IL10RA: variants seen among roughly 807,000 people sequenced by gnomAD.
IL10RA encodes interleukin 10 receptor subunit alpha.
A neutral mutation model predicts 29.6 loss-of-function variants in IL10RA; 18 were observed. That is an observed-to-expected ratio of 0.61 (90% CI 0.42 to 0.90). The LOEUF is 0.90. IL10RA is among the 40% of genes least tolerant of loss of function. The probability of loss-of-function intolerance (pLI) is 0.00; values close to 1 mark genes in which losing one functional copy is unlikely to be tolerated. For synonymous variants in IL10RA, 292 were observed against 294.1 expected (o/e 0.99, Z 0.07); for missense variants, 634 against 716.6 (o/e 0.88, Z 1.32).
At position 118,000,464 on chromosome 11, in the gene IL10RA, GC is replaced by G. The variant is rs1364579778; in HGVS notation, c.*825del. On this transcript the variant is annotated 3_prime_UTR_variant, in exon 7 of 7. Transcript: ENST00000227752. ...CATCTTGCTGACAACTTCCAGAGAA[GC>G]CATGGTTTTTTGTATTGGTCATAAC... 3 of 454,148 alleles carry G rather than the reference GC, an allele frequency of 6.6e-6. No homozygotes were observed. The highest frequency in any genetic ancestry group is 1.3e-5 in the Non-Finnish European group (3 of 226,804). The allele number at this position is 454,148 out of a possible 1,614,324, so 28.1% of individuals were successfully genotyped here.
chr11:117,989,719 T>G lies in IL10RA; in HGVS notation c.367+99T>G. On this transcript the variant is annotated intron_variant, in intron 3 of 6. Transcript: ENST00000227752. This position sits in a 1 kb window ranked among gnomAD's most constrained non-coding sequence, Gnocchi z 4.5. ...CTGTCTATTACCATAGCTCACCATG[T>G]CTGCCAGCCTCCCTGGCCGGAGAAC... 2 of 1,241,386 alleles carry G rather than the reference T, an allele frequency of 1.6e-6. No individual in the cohort carries two copies. Among genetic ancestry groups the G allele is most frequent in the Non-Finnish European group, 2.3e-6 (2 of 870,534 alleles). 76.9% of individuals were successfully genotyped at this position (1,241,386 alleles called of 1,614,324 possible). A position where few individuals can be genotyped will look rare whatever the true frequency, so the allele number is the denominator to read the frequency against.
At chr11:117,986,584 C>T (rs1205352492) in intron 1 of IL10RA, 50 bp downstream of exon 1, 5 of 1,548,286 alleles carry the variant, frequency 3.2e-6, no homozygotes, top group Middle Eastern at 1.7e-4. Flanking sequence ...TCCGCGCCCG[C>T]TCCATTAAAG....
Position 118,001,039 on chromosome 11 carries a change from G to A in IL10RA, c.*1398G>A. ...GCCCTGCCTTTCTCTGGAGCATTCT[G>A]AAAACAGATATTCTGGCCCAGGGAA... is the stretch of plus-strand genomic sequence containing the variant. On this transcript the variant is annotated 3_prime_UTR_variant, in exon 7 of 7. Transcript: ENST00000227752. The A allele has an allele frequency of 4.4e-6, 2 of 454,240 alleles. No homozygotes were observed. Among genetic ancestry groups the A allele is most frequent in the Non-Finnish European group, 8.8e-6 (2 of 226,802 alleles). 28.1% of individuals were successfully genotyped at this position (454,240 alleles called of 1,614,324 possible).
chr11:117,986,957 C>T, intron 1 of IL10RA: 2 of 707,624 alleles, frequency 2.8e-6, no homozygotes, highest in South Asian at 1.5e-5. Flanking sequence ...CCCATCTCAC[C>T]TTCATCCCTC....
chr11:117,987,141 A>G (rs1035051957), intron 1 of IL10RA: 4 of 337,046 alleles, frequency 1.2e-5, no homozygotes, highest in African/African-American at 8.6e-5. Context: ...TAAACCCCAG[A>G]GACAGAATGA....
rs753890544 is a variant in IL10RA, at chr11:117,993,225, C to A, written c.368-16C>A. The A allele has an allele frequency of 2.5e-6, 4 of 1,613,084 alleles. No homozygotes were observed. The highest frequency in any genetic ancestry group is 3.4e-6 in the Non-Finnish European group (4 of 1,179,098). Reference sequence around the variant, plus strand: ...TCAAGTCTCATGGTATTCCCCCCCACCCCAACTCCATTTAGTGACTCTGAC... The same window carrying A: ...TCAAGTCTCATGGTATTCCCCCCCAACCCAACTCCATTTAGTGACTCTGAC... On this transcript the variant is annotated splice_polypyrimidine_tract_variant and intron_variant, in intron 3 of 6. Transcript: ENST00000227752.
In IL10RA at chr11:118,001,003, G is replaced by A. The variant is rs750246563; in HGVS notation, c.*1362G>A. The stretch of plus-strand genomic sequence containing the variant: ...GGGACAGGCCTGTGCGTGCCATCCA[G>A]AGTCATCTCAGCCCTGCCTTTCTCT... On this transcript the variant is annotated 3_prime_UTR_variant, in exon 7 of 7. Transcript: ENST00000227752. 5.5e-5 allele frequency: 25 copies of A among 454,112 alleles called. No homozygotes were observed. The highest frequency in any genetic ancestry group is 6.8e-4 in the Middle Eastern group (1 of 1,466). 28.1% of individuals were successfully genotyped at this position (454,112 alleles called of 1,614,324 possible).
chr11:117,992,337 A>T (rs752313040), intron 3 of IL10RA, among the ~76,000 whole-genome samples: 15 of 152,190 alleles, frequency 9.9e-5, no homozygotes, highest in Non-Finnish European at 2.1e-4. Context: ...TTCCCTTTTC[A>T]CCACATCCTT....
At chr11:117,986,563 G>A in intron 1 of IL10RA, 29 bp downstream of exon 1, 11 of 1,550,318 alleles carry the variant, frequency 7.1e-6, no homozygotes, top group Non-Finnish European at 9.6e-6. Flanking sequence ...GCCCTTCCCT[G>A]CCCTGCCCTC....
chr11:117,988,299 A>C, intron 1 of IL10RA, 83 bp from the exon 2 acceptor site: 1 of 1,572,308 alleles, frequency 6.4e-7, no homozygotes. Flanking sequence ...GCCTCTCTGA[A>C]CCTCCCTTTC....
intron 3 of IL10RA, 144 bp from the exon 4 acceptor site, chr11:117,993,097 T>G: frequency 1.4e-6 from 1 of 712,940 alleles, no homozygotes; most frequent in Non-Finnish European, 2.6e-6. Context: ...CCTTACATTC[T>G]GCTGCATTGA....
intron 4 of IL10RA, among the ~76,000 whole-genome samples, chr11:117,993,680 C>G (rs537587829): frequency 1.3e-5 from 2 of 152,242 alleles, no homozygotes; most frequent in Non-Finnish European, 2.9e-5. Context: ...GGCTGTGTAA[C>G]CTACCAGAGG....
At position 117,999,049 on chromosome 11, in the gene IL10RA, G is replaced by C. The variant is rs376309967; in HGVS notation, c.1145G>C (p.Ser382Thr). 2.5e-5 allele frequency: 40 copies of C among 1,612,598 alleles called. No individual in the cohort carries two copies. In the African/African-American group the frequency reaches 4.5e-4, roughly 18 times the overall value. ...ICLQEPSLSP[S>T]TGPTWEQQVG... ...CTGCAGGAGCCCAGCCTGAGCCCCA[G>C]CACAGGGCCCACCTGGGAGCAACAG... The change falls in exon 7 of 7, where the codon AGC (serine) becomes ACC (threonine). Residue 382 changes from serine (S) to threonine (T), a missense_variant. Coordinates refer to ENST00000227752, the MANE Select transcript of IL10RA (RefSeq NM_001558.4).
chr11:117,999,435 G>T lies in IL10RA; in HGVS notation c.1531G>T (p.Ala511Ser), dbSNP rs766027945. 2 of 1,614,236 alleles carry T rather than the reference G, an allele frequency of 1.2e-6. No homozygotes were observed. Among genetic ancestry groups the T allele is most frequent in the South Asian group, 1.1e-5 (1 of 91,082 alleles). The change falls in exon 7 of 7, where the codon GCC becomes TCC. Residue 511 changes from alanine (A) to serine (S), a missense_variant. Coordinates refer to ENST00000227752, the MANE Select transcript of IL10RA (RefSeq NM_001558.4). ...AGAAATGACTCTGGCTTCCTCAGGG[G>T]CCCCAACGGGACAGTGGAACCAGCC... ...PLEMTLASSG[A>S]PTGQWNQPTE... is the part of the protein sequence containing the mutation.
chr11:117,999,183 C>T lies in IL10RA; in HGVS notation c.1279C>T (p.Pro427Ser), dbSNP rs773244961. 26 of 1,614,204 alleles carry T rather than the reference C, an allele frequency of 1.6e-5. 1 individual carries two copies. The South Asian group carries it at 2.4e-4, about 15-fold the overall frequency. Residue 427 changes from proline (P) to serine (S), a missense_variant, in exon 7 of 7, where the codon CCC becomes TCC. Transcript: ENST00000227752. ...QGGSALGHHS[P>S]PEPEVPGEED... ...TGGCTCGGCCTTGGGCCACCACAGT[C>T]CCCCGGAGCCTGAGGTGCCTGGGGA...
At position 117,993,263 on chromosome 11, in the gene IL10RA, G is replaced by T. The variant is rs1386055090; in HGVS notation, c.390G>T (p.Val130=). ...TAGTGACTCTGACAGTTGGCAGTGT[G>T]AACCTAGAGATCCACAATGGCTTCA... ...VDEVTLTVGS[V]NLEIHNGFIL... is the part of the protein sequence containing the mutation. The change falls in exon 4 of 7, where the codon GTG becomes GTT. Residue 130 remains valine, a synonymous_variant. Coordinates refer to ENST00000227752, the MANE Select transcript of IL10RA (RefSeq NM_001558.4). 6.2e-7 allele frequency: 1 copy of T among 1,614,102 alleles called. No individual in the cohort carries two copies. The highest frequency in any genetic ancestry group is 1.7e-5 in the Admixed American group (1 of 60,020).
At chr11:117,998,634 G>T in intron 6 of IL10RA, 81 bp from the exon 7 acceptor site, 1 of 1,217,128 alleles carries the variant, frequency 8.2e-7, no homozygotes. Context: ...CTCTCCTCCT[G>T]GGCCTGGCCT....
Position 118,001,339 on chromosome 11 carries a change from A to G in IL10RA, c.*1698A>G. The G allele has an allele frequency of 2.2e-6, 1 of 454,210 alleles. No homozygotes were observed. The highest frequency in any genetic ancestry group is 4.4e-6 in the Non-Finnish European group (1 of 226,816). 28.1% of individuals were successfully genotyped at this position (454,210 alleles called of 1,614,324 possible). ...ATCCTCTTGGAGCCTCAGTTTCCTC[A>G]TCTGCAGAATAATGACTGACTTGTC... On this transcript the variant is annotated 3_prime_UTR_variant, in exon 7 of 7. Coordinates refer to ENST00000227752, the MANE Select transcript of IL10RA (RefSeq NM_001558.4).
In IL10RA at chr11:117,999,177, C is replaced by A. The variant is rs201689430; in HGVS notation, c.1273C>A (p.His425Asn). The A allele has an allele frequency of 4.4e-5, 71 of 1,614,066 alleles. No individual in the cohort carries two copies. Among genetic ancestry groups the A allele is most frequent in the Non-Finnish European group, 1.5e-5 (18 of 1,180,022 alleles). The change falls in exon 7 of 7, where the codon CAC (histidine) becomes AAC (asparagine). Residue 425 changes from histidine (H) to asparagine (N), a missense_variant. By Grantham distance (68) the His-to-Asn change is moderately conservative. Coordinates refer to ENST00000227752, the MANE Select transcript of IL10RA (RefSeq NM_001558.4). ...DTQGGSALGH[H>N]SPPEPEVPGE... The stretch of plus-strand genomic sequence containing the variant: ...ACAGGGTGGCTCGGCCTTGGGCCAC[C>A]ACAGTCCCCCGGAGCCTGAGGTGCC...
Sources: gnomAD v4.1 joint callset for allele counts (sites outside exome capture counted in the v4.1 genomes callset) on GRCh38, gnomAD v4.1.1 for gene constraint, Gnocchi (gnomAD v3.1) non-coding constraint, MANE v1.5 for transcripts, NCBI Gene and HGNC (gene_info 2026-07-23, HGNC 2026-07-21) for gene names.